KANSL1L: variants seen among roughly 807,000 people sequenced by gnomAD.
The protein encoded by KANSL1L is KAT8 regulatory NSL complex subunit 1-like protein.
KANSL1L carries 25 observed loss-of-function variants against 108.6 expected under a neutral mutation model. That is an observed-to-expected ratio of 0.23 (90% CI 0.17 to 0.32). The LOEUF (loss-of-function observed/expected upper bound fraction) is 0.32, where lower values mean the gene tolerates loss of function less well. KANSL1L is among the 10% of genes least tolerant of loss of function. The pLI, the probability that KANSL1L is intolerant of heterozygous loss-of-function variation, is 1.00. For synonymous variants in KANSL1L, 405 were observed against 395.1 expected, an observed-to-expected ratio of 1.03 and a Z score of -0.30; for missense variants, 1,137 against 1,125.7, an observed-to-expected ratio of 1.01 and a Z score of -0.14.
intron 2 of KANSL1L, among the ~76,000 whole-genome samples, chr2:210,144,644 T>C (rs1259651705): frequency 6.6e-6 from 1 of 152,206 alleles, no homozygotes; most frequent in East Asian, 1.9e-4. Flanking sequence ...CTCCAGAATT[T>C]CTGCCTAGTT....
intron 2 of KANSL1L, chr2:210,152,108 CCTGATCCT>C (rs1291061212): frequency 6.6e-6 from 1 of 151,974 alleles, no homozygotes; most frequent in Admixed American, 6.6e-5. Context: ...AGTTATTTTT[CCTGATCCT>C]CTCCCTCCTC....
At chr2:210,038,428 G>A (rs759037584) in intron 8 of KANSL1L, among the ~76,000 whole-genome samples, 4 of 151,778 alleles carry the variant, frequency 2.6e-5, no homozygotes, top group Non-Finnish European at 4.4e-5. Context: ...GATATTTGAG[G>A]GTGCTATTTT....
At chr2:210,130,842 CA>C (rs1481141654) in intron 2 of KANSL1L, among the ~76,000 whole-genome samples, 2 of 24,192 alleles carry the variant, frequency 8.3e-5, no homozygotes, top group Admixed American at 7.4e-4. Flanking sequence ...AAGGTGGTAA[CA>C]ATTTTTTTTT....
intron 2 of KANSL1L, among the ~76,000 whole-genome samples, chr2:210,138,180 T>A (rs1320712714): frequency 2.6e-5 from 4 of 152,112 alleles, no homozygotes; most frequent in Non-Finnish European, 5.9e-5. Flanking sequence ...CTATGAAAAT[T>A]TATTTTATTT....
chr2:210,124,146 A>G (rs1276215712), intron 3 of KANSL1L, among the ~76,000 whole-genome samples: 1 of 152,164 alleles, frequency 6.6e-6, no homozygotes, highest in African/African-American at 2.4e-5. Context: ...CTACACAATA[A>G]ACCAACTAGA....
At chr2:210,024,289 G>T in intron 13 of KANSL1L, 88 bp from the exon 14 acceptor site, 1 of 1,002,746 alleles carries the variant, frequency 1.0e-6, no homozygotes, top group Non-Finnish European at 1.4e-6. Flanking sequence ...ACTGAGTCAA[G>T]TTAACTTGGT....
intron 12 of KANSL1L, among the ~76,000 whole-genome samples, chr2:210,025,904 A>ATACTT (rs2093930052): frequency 6.6e-6 from 1 of 152,122 alleles, no homozygotes; most frequent in African/African-American, 2.4e-5. Flanking sequence ...TGAGTTCGTA[A>ATACTT]TACTTTCCAT....
intron 2 of KANSL1L, among the ~76,000 whole-genome samples, chr2:210,143,809 CA>C (rs1289581430): frequency 2.2e-4 from 34 of 152,080 alleles, no homozygotes; most frequent in African/African-American, 8.0e-4. Context: ...CATCCTATGA[CA>C]AATTATTGTA....
chr2:210,146,436 T>G lies in KANSL1L; in HGVS notation c.1088+7059A>C, dbSNP rs1385435047. Among the ~76,000 whole-genome samples the G allele has an allele frequency of 2.6e-5, 4 of 152,322 alleles. No homozygotes were observed. The East Asian group carries it at 7.7e-4, about 29-fold the overall frequency. On this transcript the variant is annotated intron_variant, in intron 2 of 14. Coordinates refer to ENST00000281772, the MANE Select transcript of KANSL1L (RefSeq NM_152519.4). ...AAATTAGGAAAACAAAGGTGATCGT[T>G]TCCGATGATAAATACAATTAACACT...
chr2:210,147,218 G>C (rs2095272072), intron 2 of KANSL1L, among the ~76,000 whole-genome samples: 3 of 152,188 alleles, frequency 2.0e-5, no homozygotes, highest in African/African-American at 7.2e-5. Context: ...CCAGCAATTT[G>C]GGAGGCCAAG....
chr2:210,035,868 A>T (rs1055749355), intron 8 of KANSL1L, among the ~76,000 whole-genome samples: 1 of 152,212 alleles, frequency 6.6e-6, no homozygotes, highest in African/African-American at 2.4e-5. Flanking sequence ...CTTGTTACTC[A>T]GTATGGGCCA....
At chr2:210,136,221 T>A (rs2095172595) in intron 2 of KANSL1L, among the ~76,000 whole-genome samples, 1 of 152,052 alleles carries the variant, frequency 6.6e-6, no homozygotes, top group Admixed American at 6.6e-5. Flanking sequence ...CAGTATTAAT[T>A]AAAAATAATT....
intron 1 of KANSL1L, among the ~76,000 whole-genome samples, chr2:210,169,346 G>A (rs1688190710): frequency 6.6e-6 from 1 of 152,200 alleles, no homozygotes; most frequent in Admixed American, 6.5e-5. Context: ...ATGGCGAAAT[G>A]TTAAGCAGCT....
intron 12 of KANSL1L, among the ~76,000 whole-genome samples, chr2:210,026,920 A>G (rs1239044397): frequency 6.6e-6 from 1 of 151,926 alleles, no homozygotes; most frequent in Non-Finnish European, 1.5e-5. Context: ...ACAGGTGCCC[A>G]CCACCACGCC....
At position 210,028,930 on chromosome 2, in the gene KANSL1L, C is replaced by T. The variant is rs958000505; in HGVS notation, c.2311G>A (p.Asp771Asn). The change falls in exon 11 of 15, where the codon GAC becomes AAC. Residue 771 changes from aspartate (D) to asparagine (N), a missense_variant. Transcript: ENST00000281772. Reference sequence around the variant, plus strand: ...ATGGGAATCACAATGTTATCTATGTCATAAGAGCTCTCACTTCTCAATCTC... The same window carrying T: ...ATGGGAATCACAATGTTATCTATGTTATAAGAGCTCTCACTTCTCAATCTC... The part of the protein sequence containing the change: ...RRRLRSESSY[D>N]IDNIVIPMSL... 7.5e-6 allele frequency: 12 copies of T among 1,609,388 alleles called. No homozygotes were observed. The highest frequency in any genetic ancestry group is 4.5e-5 in the East Asian group (2 of 44,748).
chr2:210,143,962 TTTC>T (rs1397626447), intron 2 of KANSL1L, among the ~76,000 whole-genome samples: 1 of 152,192 alleles, frequency 6.6e-6, no homozygotes, highest in African/African-American at 2.4e-5. Flanking sequence ...TAGCATTCTT[TTTC>T]TTTTCAGCCT....
At chr2:210,144,710 T>C (rs1402111407) in intron 2 of KANSL1L, among the ~76,000 whole-genome samples, 2 of 152,214 alleles carry the variant, frequency 1.3e-5, no homozygotes, top group East Asian at 1.9e-4. Context: ...TATTTGTGTA[T>C]TGTTTTCCTG....
At chr2:210,087,411 G>A (rs1189196150) in intron 5 of KANSL1L, among the ~76,000 whole-genome samples, 1 of 151,854 alleles carries the variant, frequency 6.6e-6, no homozygotes. Flanking sequence ...TATCACATTG[G>A]TTATCTGATT....
chr2:210,156,079 T>C (rs534175657), intron 1 of KANSL1L, among the ~76,000 whole-genome samples: 209 of 152,250 alleles, frequency 1.4e-3, no homozygotes, highest in Non-Finnish European at 2.5e-3. Context: ...ATATTAGTTA[T>C]CTAGACTATA....
Sources: allele counts gnomAD v4.1 joint callset (sites outside exome capture counted in the v4.1 genomes callset), GRCh38; gene constraint gnomAD v4.1.1; transcripts MANE v1.5; gene names NCBI Gene and HGNC (gene_info 2026-07-23, HGNC 2026-07-21).